The following WRN variants were observed in gnomAD, a reference collection of about 807,000 sequenced individuals.
The protein encoded by WRN is WRN RecQ like helicase, also known as bifunctional 3'-5' exonuclease/ATP-dependent helicase WRN.
In WRN, 149 loss-of-function variants were observed where a neutral mutation model predicts 180.7. That is an observed-to-expected ratio of 0.82 (90% confidence interval 0.72 to 0.94). The LOEUF (loss-of-function observed/expected upper bound fraction) is 0.94. Ranked by LOEUF, WRN falls within the 40% of genes least tolerant of loss-of-function variation. The pLI, the probability that WRN is intolerant of heterozygous loss-of-function variation, is 0.00. For synonymous variants in WRN, 548 were observed against 568.9 expected, an observed-to-expected ratio of 0.96 and a Z score of 0.52; for missense variants, 1,661 against 1,700.1, an observed-to-expected ratio of 0.98 and a Z score of 0.40.
At chr8:31,110,557 AATTG>A (rs1801273128) in intron 18 of WRN, among the ~76,000 whole-genome samples, 1 of 152,120 alleles carries the variant, frequency 6.6e-6, no homozygotes, top group African/African-American at 2.4e-5. Context: ...ATTTTTAATA[AATTG>A]ATCTTGTTTT....
chr8:31,080,452 CT>C (rs11395807), intron 8 of WRN, among the ~76,000 whole-genome samples: 42 of 146,996 alleles, frequency 2.9e-4, no homozygotes, highest in South Asian at 6.5e-4. Context: ...TATCAAACAC[CT>C]TTTTTTTTTT....
intron 23 of WRN, among the ~76,000 whole-genome samples, chr8:31,125,971 A>AATATATATATATATAT (rs55952524): frequency 6.9e-6 from 1 of 145,594 alleles, no homozygotes; most frequent in African/African-American, 2.6e-5. Flanking sequence ...CATCATCCTA[A>AATATATATATATATAT]ATATATATAT....
intron 33 of WRN, among the ~76,000 whole-genome samples, chr8:31,163,889 G>C (rs1449958357): frequency 6.9e-6 from 1 of 145,204 alleles, no homozygotes; most frequent in Non-Finnish European, 1.5e-5. Flanking sequence ...GTCTTACTCT[G>C]TTTCCCAGGC....
intron 9 of WRN, among the ~76,000 whole-genome samples, chr8:31,082,366 C>A (rs1320420283): frequency 6.6e-6 from 1 of 152,112 alleles, no homozygotes; most frequent in African/African-American, 2.4e-5. Flanking sequence ...TTGAGCAATT[C>A]TCTGTATTTT....
At chr8:31,084,887 G>T (rs1386705574) in intron 10 of WRN, among the ~76,000 whole-genome samples, 6 of 152,118 alleles carry the variant, frequency 3.9e-5, no homozygotes, top group Admixed American at 2.6e-4. Flanking sequence ...AGTTGAACTT[G>T]TCATTTTGTA....
intron 1 of WRN, among the ~76,000 whole-genome samples, chr8:31,052,747 GTGTTC>G (rs1164241736): frequency 1.4e-4 from 21 of 152,204 alleles, no homozygotes; most frequent in African/African-American, 4.3e-4. Flanking sequence ...TGACTGTGTA[GTGTTC>G]TGTTTTATGG....
intron 27 of WRN, 112 bp from the exon 28 acceptor site, chr8:31,143,438 C>G (rs1319732128): frequency 1.4e-6 from 1 of 700,336 alleles, no homozygotes; most frequent in African/African-American, 1.8e-5. Flanking sequence ...AATTTGACAG[C>G]TTGATTAGGC....
intron 3 of WRN, among the ~76,000 whole-genome samples, chr8:31,059,863 C>T (rs11574180): frequency 2.1e-4 from 32 of 152,042 alleles, no homozygotes; most frequent in African/African-American, 7.0e-4. Context: ...GAGACCATCC[C>T]GGCTAACATG....
rs977248331 is a variant in WRN, at chr8:31,173,428, T to C, written c.*326T>C. Reference sequence around the variant, plus strand: ...GAAAATGTTATGTGCTCTGATTTGATATAGATAACAGATTAGTAGTTACAT... The same window carrying C: ...GAAAATGTTATGTGCTCTGATTTGACATAGATAACAGATTAGTAGTTACAT... On this transcript the variant is annotated 3_prime_UTR_variant, in exon 35 of 35. Coordinates refer to ENST00000298139, the MANE Select transcript of WRN (RefSeq NM_000553.6). The C allele has an allele frequency of 1.0e-5, 3 of 296,586 alleles. No individual in the cohort carries two copies. The highest frequency in any genetic ancestry group is 9.4e-5 in the Admixed American group (2 of 21,180). 18.4% of individuals were successfully genotyped at this position (296,586 alleles called of 1,614,324 possible).
rs547756672 is a variant in WRN at position 31,061,956 on chromosome 8, A to G, written c.210-2333A>G. Reference sequence around the variant, plus strand: ...GATTTCTGGAGCTCTTTTCCTGCCTAGCTTCCTCCTCTCCAGAACTCTGCC... The same window carrying G: ...GATTTCTGGAGCTCTTTTCCTGCCTGGCTTCCTCCTCTCCAGAACTCTGCC... On this transcript the variant is annotated intron_variant, in intron 3 of 34. Transcript: ENST00000298139. 1.8e-4 allele frequency among the ~76,000 whole-genome samples: 27 copies of G among 152,100 alleles called. 1 individual carries two copies. The highest frequency in any genetic ancestry group is 5.9e-5 in the Non-Finnish European group (4 of 68,000).
intron 1 of WRN, among the ~76,000 whole-genome samples, chr8:31,054,576 T>C (rs1259383613): frequency 1.3e-5 from 2 of 152,038 alleles, no homozygotes; most frequent in Non-Finnish European, 2.9e-5. Flanking sequence ...AGACAGCCTT[T>C]AAAATAATGA....
At chr8:31,035,760 C>T (rs1475019161) in intron 1 of WRN, among the ~76,000 whole-genome samples, 1 of 152,094 alleles carries the variant, frequency 6.6e-6, no homozygotes, top group East Asian at 1.9e-4. Flanking sequence ...ATTAATATAT[C>T]ATATGATTCA....
chr8:31,089,691 A>T (rs1031037469), intron 13 of WRN, among the ~76,000 whole-genome samples: 3 of 152,038 alleles, frequency 2.0e-5, no homozygotes, highest in African/African-American at 7.2e-5. Flanking sequence ...ACAGCATGCC[A>T]GAAGACCACC....
At chr8:31,092,363 C>T (rs1033506227) in intron 16 of WRN, among the ~76,000 whole-genome samples, 3 of 151,722 alleles carry the variant, frequency 2.0e-5, no homozygotes, top group Non-Finnish European at 4.4e-5. Flanking sequence ...GATTCTAGGT[C>T]TCTTGCCCAA....
chr8:31,102,762 T>C lies in WRN; in HGVS notation c.2088+1807T>C, dbSNP rs1187322643. On this transcript the variant is annotated intron_variant, in intron 18 of 34. Transcript: ENST00000298139. ...CCTAGGACATTACTGTACACTACTG[T>C]AGACTTTATACATATTGTACACTTA... Among the ~76,000 whole-genome samples the C allele has an allele frequency of 3.8e-4, 58 of 152,338 alleles. 1 individual carries two copies. Among genetic ancestry groups the C allele is most frequent in the Non-Finnish European group, 1.0e-4 (7 of 68,026 alleles).
intron 27 of WRN, among the ~76,000 whole-genome samples, chr8:31,143,058 C>CA (rs1554533182): frequency 3.5e-5 from 5 of 140,930 alleles, no homozygotes; most frequent in African/African-American, 1.4e-4. Flanking sequence ...CACACACATT[C>CA]TCTCTCTCTC....
intron 19 of WRN, among the ~76,000 whole-genome samples, chr8:31,113,586 T>G (rs1801402904): frequency 6.6e-6 from 1 of 152,224 alleles, no homozygotes; most frequent in Non-Finnish European, 1.5e-5. Flanking sequence ...TCTTTGATCC[T>G]GTTCAGTCTC....
At chr8:31,166,136 A>G (rs1442603184) in intron 33 of WRN, among the ~76,000 whole-genome samples, 1 of 152,142 alleles carries the variant, frequency 6.6e-6, no homozygotes, top group East Asian at 1.9e-4. Context: ...TATAAACCTG[A>G]AAACTAACAA....
Position 31,147,884 on chromosome 8 carries a change from A to ATT in WRN, c.3572+424_3572+425dup, listed in dbSNP as rs367782924. On this transcript the variant is annotated intron_variant, in intron 30 of 34. Coordinates refer to ENST00000298139, the MANE Select transcript of WRN (RefSeq NM_000553.6). ...CTTCGTCTTCCTCTTCTTCTTCTTC[A>ATT]TTTTTTTTTTTTTTTTTGTCTGAAG... Among the ~76,000 whole-genome samples the ATT allele has an allele frequency of 3.4e-3, 435 of 126,878 alleles. 10 individuals carry two copies. Among genetic ancestry groups the ATT allele is most frequent in the African/African-American group, 0.01 (354 of 33,840 alleles). The allele number at this position is 126,878 out of a possible 152,430, so 83.2% of individuals were successfully genotyped here.
Sources: allele counts gnomAD v4.1 joint callset (sites outside exome capture counted in the v4.1 genomes callset), GRCh38; gene constraint gnomAD v4.1.1; transcripts MANE v1.5; gene names NCBI Gene and HGNC (gene_info 2026-07-23, HGNC 2026-07-21).